SLC30A3: variants seen among roughly 807,000 people sequenced by gnomAD.
The protein encoded by SLC30A3 is solute carrier family 30 member 3.
Under a neutral mutation model 35.6 loss-of-function variants are expected in SLC30A3, and 20 were observed. The observed-to-expected ratio is 0.56, with a 90% confidence interval of 0.39 to 0.82. The LOEUF is 0.82. SLC30A3 is among the 40% of genes least tolerant of loss of function. The pLI, the probability that SLC30A3 is intolerant of heterozygous loss-of-function variation, is 0.00. For missense variants in SLC30A3, 401 were observed against 530.6 expected, an observed-to-expected ratio of 0.76 and a Z score of 2.40; for synonymous variants, 217 against 224.7, an observed-to-expected ratio of 0.97 and a Z score of 0.31.
At chr2:27,264,041 G>C (rs1558564866), upstream of SLC30A3, 1 of 1,288,530 alleles carries the variant, frequency 7.8e-7, no homozygotes, top group Non-Finnish European at 1.0e-6. This position sits in a 1 kb window ranked among gnomAD's most constrained non-coding sequence, Gnocchi z 6.1. Context: ...TCAAGTCGAA[G>C]CTTCAAATGC....
intron 7 of SLC30A3, chr2:27,256,133 C>T (rs1400464735): frequency 1.9e-6 from 1 of 527,092 alleles, no homozygotes; most frequent in African/African-American, 1.9e-5. Context: ...TTGTTGGTTC[C>T]CTGTGCTACT....
chr2:27,258,424 G>A lies in SLC30A3; in HGVS notation c.278-117C>T, dbSNP rs1298123514. 4.2e-6 allele frequency: 4 copies of A among 956,876 alleles called. No homozygotes were observed. The highest frequency in any genetic ancestry group is 4.5e-6 in the Non-Finnish European group (3 of 661,102). The allele number at this position is 956,876 out of a possible 1,614,324, so 59.3% of individuals were successfully genotyped here. A position where few individuals can be genotyped will look rare whatever the true frequency, so the allele number is the denominator to read the frequency against. Reference sequence around the variant, plus strand: ...AAAATGTGATTTGGGGTTTTCTCAGGTGATGGGACTACAGGTATAATTAAC... The same window carrying A: ...AAAATGTGATTTGGGGTTTTCTCAGATGATGGGACTACAGGTATAATTAAC... On this transcript the variant is annotated intron_variant, in intron 2 of 7. Transcript: ENST00000233535. The surrounding 1 kb of genome is among the most constrained non-coding windows in gnomAD (Gnocchi z 4.0).
At chr2:27,264,257 C>A, upstream of SLC30A3, 1 of 380,162 alleles carries the variant, frequency 2.6e-6, no homozygotes, top group Non-Finnish European at 5.4e-6. This position sits in a 1 kb window ranked among gnomAD's most constrained non-coding sequence, Gnocchi z 6.1. Flanking sequence ...TCAGAACACA[C>A]TGGGCGTCCT....
intron 1 of SLC30A3, among the ~76,000 whole-genome samples, chr2:27,268,479 G>C (rs754458231): frequency 3.9e-4 from 60 of 152,244 alleles, no homozygotes; most frequent in Admixed American, 2.6e-3. Context: ...TTAGGCCGGG[G>C]GCGGTGGCTC....
At position 27,262,575 on chromosome 2, in the gene SLC30A3, G is replaced by A. The variant is rs1011385070; in HGVS notation, c.95+237C>T. ...GTCCGGCGGCCTGGGACGCCGGCCG[G>A]AGGGGAGTGAGAGGCCGCTTCACCC... On this transcript the variant is annotated intron_variant, in intron 1 of 7. Coordinates refer to ENST00000233535, the MANE Select transcript of SLC30A3 (RefSeq NM_003459.5). The surrounding 1 kb of genome is among the most constrained non-coding windows in gnomAD (Gnocchi z 7.5). Among the ~76,000 whole-genome samples, 2 of 152,146 alleles carry A rather than the reference G, an allele frequency of 1.3e-5. No homozygotes were observed. The highest frequency in any genetic ancestry group is 4.8e-5 in the African/African-American group (2 of 41,450).
chr2:27,255,347 G>T lies in SLC30A3; in HGVS notation c.1132C>A (p.Gln378Lys). ...GGGGGTTCCTGGCAGCGCAGGCACT[G>T]GGCCATCTCCGGCTGATACTGCTCG... ...QVEQYQPEMA[Q>K]CLRCQEPPQA is the part of the protein sequence containing the mutation. The change falls in exon 8 of 8, where the codon CAG (glutamine) becomes AAG (lysine). Residue 378 changes from glutamine to lysine, a missense_variant. Around this residue, in one of 3 missense-constraint regions of SLC30A3, gnomAD observed 296 missense variants for 392.6 expected, o/e 0.75. Coordinates refer to ENST00000233535, the MANE Select transcript of SLC30A3 (RefSeq NM_003459.5). This position sits in a 1 kb window ranked among gnomAD's most constrained non-coding sequence, Gnocchi z 5.2. 2 of 1,614,162 alleles carry T rather than the reference G, an allele frequency of 1.2e-6. No individual in the cohort carries two copies. The highest frequency in any genetic ancestry group is 8.5e-7 in the Non-Finnish European group (1 of 1,180,022).
chr2:27,258,177 A>G lies in SLC30A3; in HGVS notation c.408T>C (p.Phe136=), dbSNP rs771831794. 2.5e-6 allele frequency: 4 copies of G among 1,595,916 alleles called. No homozygotes were observed. The highest frequency in any genetic ancestry group is 3.4e-6 in the Non-Finnish European group (4 of 1,168,944). ...STRPATRTMT[F]GWHRSETLGA... is the part of the protein sequence containing the mutation. ...GGGCCTTACCTGAACGGTGCCAGCCAAAGGTCATGGTGCGGGTGGCTGGAC... is the reference window on the plus strand; with the variant it reads ...GGGCCTTACCTGAACGGTGCCAGCCGAAGGTCATGGTGCGGGTGGCTGGAC... The change falls in exon 3 of 8, where the codon TTT becomes TTC. Residue 136 remains phenylalanine, a synonymous_variant. Coordinates refer to ENST00000233535, the MANE Select transcript of SLC30A3 (RefSeq NM_003459.5). The surrounding 1 kb of genome is among the most constrained non-coding windows in gnomAD (Gnocchi z 4.0).
In SLC30A3 at chr2:27,271,731, A is replaced by G. The variant is rs1366472940; in HGVS notation, c.-159+3446T>C. On this transcript the variant is annotated intron_variant, in intron 1 of 5. Coordinates refer to the SLC30A3 transcript ENST00000424577. The surrounding 1 kb of genome is among the most constrained non-coding windows in gnomAD (Gnocchi z 4.3). ...GAGGCTCTGGTTTCTAGGTAAAGGC[A>G]AAGAGGAGAGCCACTGGCCAAAGGA... Among the ~76,000 whole-genome samples, 1 of 152,208 alleles carries G rather than the reference A, an allele frequency of 6.6e-6. No individual in the cohort carries two copies.
Position 27,254,902 on chromosome 2 carries a change from C to T in SLC30A3, c.*410G>A. 4.4e-6 allele frequency: 2 copies of T among 451,138 alleles called. No homozygotes were observed. The highest frequency in any genetic ancestry group is 7.3e-6 in the Non-Finnish European group (2 of 273,360). 27.9% of individuals were successfully genotyped at this position (451,138 alleles called of 1,614,324 possible). On this transcript the variant is annotated 3_prime_UTR_variant, in exon 8 of 8. Coordinates refer to ENST00000233535, the MANE Select transcript of SLC30A3 (RefSeq NM_003459.5). Reference sequence around the variant, plus strand: ...TGGGGAGGGGGCCCCTACTGACCTCCCCCAGGCATAGGCACACCAACAGCA... The same window carrying T: ...TGGGGAGGGGGCCCCTACTGACCTCTCCCAGGCATAGGCACACCAACAGCA...
chr2:27,270,404 A>C (rs960167785), intron 1 of SLC30A3, among the ~76,000 whole-genome samples: 2 of 152,108 alleles, frequency 1.3e-5, no homozygotes, highest in Non-Finnish European at 2.9e-5. Context: ...TGGGGTTCTA[A>C]GAGGCTGAGG....
chr2:27,267,733 G>A (rs907093102), upstream of SLC30A3, among the ~76,000 whole-genome samples: 9 of 152,058 alleles, frequency 5.9e-5, no homozygotes, highest in South Asian at 6.2e-4. Context: ...TCAGGAGTTC[G>A]AGACCAGCCT....
chr2:27,267,159 G>A (rs924774478), upstream of SLC30A3, among the ~76,000 whole-genome samples: 1 of 152,016 alleles, frequency 6.6e-6, no homozygotes, highest in Non-Finnish European at 1.5e-5. Flanking sequence ...GGTCATCCTC[G>A]ACTCCTCTAT....
chr2:27,259,018 T>C, intron 1 of SLC30A3, 84 bp from the exon 2 acceptor site: 1 of 1,106,358 alleles, frequency 9.0e-7, no homozygotes, highest in Non-Finnish European at 1.3e-6. Flanking sequence ...AGTGCTGGCC[T>C]CATCAGACCA....
upstream of SLC30A3, among the ~76,000 whole-genome samples, chr2:27,266,949 C>T (rs565597057): frequency 6.6e-6 from 1 of 151,644 alleles, no homozygotes; most frequent in African/African-American, 2.4e-5. Flanking sequence ...TCAGATCTCT[C>T]ACTTGGACTC....
chr2:27,257,083 G>C lies in SLC30A3; in HGVS notation c.777+71C>G. On this transcript the variant is annotated intron_variant, in intron 5 of 7. Transcript: ENST00000233535. This position sits in a 1 kb window ranked among gnomAD's most constrained non-coding sequence, Gnocchi z 4.7. ...TGGAGGGAGGAGGAAGGAAGCTTTG[G>C]GACCTGGGAAGGAGTGGGCTGGGAT... The C allele has an allele frequency of 1.4e-6, 2 of 1,480,980 alleles. No individual in the cohort carries two copies. Among genetic ancestry groups the C allele is most frequent in the Non-Finnish European group, 1.9e-6 (2 of 1,061,394 alleles). 91.7% of individuals were successfully genotyped at this position (1,480,980 alleles called of 1,614,324 possible).
At chr2:27,273,256 A>G (rs1344484341) in intron 1 of SLC30A3, among the ~76,000 whole-genome samples, 1 of 151,976 alleles carries the variant, frequency 6.6e-6, no homozygotes, top group Non-Finnish European at 1.5e-5. Context: ...ACATGGTCAA[A>G]GACTCTTGAA....
chr2:27,270,272 A>G (rs970057585), intron 1 of SLC30A3, among the ~76,000 whole-genome samples: 2 of 152,198 alleles, frequency 1.3e-5, no homozygotes, highest in African/African-American at 4.8e-5. Context: ...TTTTATTAGA[A>G]GTATTAAAAC....
At position 27,259,117 on chromosome 2, in the gene SLC30A3, A is replaced by G. The variant is rs1203644448; in HGVS notation, c.96-183T>C. 19 of 534,148 alleles carry G rather than the reference A, an allele frequency of 3.6e-5. 1 individual carries two copies. The highest frequency in any genetic ancestry group is 3.3e-6 in the Non-Finnish European group (1 of 303,888). 33.1% of individuals were successfully genotyped at this position (534,148 alleles called of 1,614,324 possible). A position where few individuals can be genotyped will look rare whatever the true frequency, so the allele number is the denominator to read the frequency against. On this transcript the variant is annotated intron_variant, in intron 1 of 7. Transcript: ENST00000233535. ...GGGCTAAATGAACAGGTCAGAGCCC[A>G]GCCTCCCTTTTCCTTCCATACACAG...
chr2:27,256,925 C>T (rs1278547607), intron 5 of SLC30A3, 32 bp from the exon 6 acceptor site: 10 of 1,492,858 alleles, frequency 6.7e-6, no homozygotes, highest in Non-Finnish European at 9.3e-6. Flanking sequence ...AGCCCAACAA[C>T]CAGGGACCTT....
Sources: gnomAD v4.1 joint callset for allele counts (sites outside exome capture counted in the v4.1 genomes callset) on GRCh38, gnomAD v4.1.1 for gene constraint, gnomAD v4.1.1 regional missense constraint, Gnocchi (gnomAD v3.1) non-coding constraint, MANE v1.5 for transcripts, NCBI Gene and HGNC (gene_info 2026-07-23, HGNC 2026-07-21) for gene names.